The following MARCHF8 variants were observed in gnomAD, a reference collection of about 807,000 sequenced individuals.
The protein encoded by MARCHF8 is membrane associated ring-CH-type finger 8.
Under a neutral mutation model 51.6 loss-of-function variants are expected in MARCHF8, and 40 were observed. The observed-to-expected ratio is 0.77, with a 90% CI of 0.60 to 1.01. The LOEUF (loss-of-function observed/expected upper bound fraction) is 1.01, where lower values mean the gene tolerates loss of function less well. Among genes scored for constraint, MARCHF8 ranks in the 50% least tolerant of loss-of-function variants. The pLI, the probability that MARCHF8 is intolerant of heterozygous loss-of-function variation, is 0.00. For synonymous variants in MARCHF8, 263 were observed against 280.3 expected (o/e 0.94, Z 0.62); for missense variants, 685 against 708.6 (o/e 0.97, Z 0.38).
intron 3 of MARCHF8, among the ~76,000 whole-genome samples, chr10:45,486,686 C>T (rs76727529): frequency 0.041 from 6,228 of 152,148 alleles, 156 homozygotes; most frequent in Middle Eastern, 0.058. Context: ...CAGGATTCAA[C>T]GAACTTTGAC....
intron 3 of MARCHF8, among the ~76,000 whole-genome samples, chr10:45,477,742 A>G (rs2042812807): frequency 6.6e-6 from 1 of 152,236 alleles, no homozygotes. Context: ...CCATGCAAAT[A>G]AAAACCAAAA....
chr10:45,592,374 A>G (rs573579382), intron 1 of MARCHF8, among the ~76,000 whole-genome samples: 1 of 152,348 alleles, frequency 6.6e-6, no homozygotes, highest in African/African-American at 2.4e-5. Flanking sequence ...CTTCCTGATT[A>G]CTTGGCATCA....
At position 45,535,193 on chromosome 10, in the gene MARCHF8, A is replaced by C. The variant is rs2043954186; in HGVS notation, c.-79+18T>G. On this transcript the variant is annotated intron_variant, in intron 1 of 7. Transcript: ENST00000453424. ...ATGTTTGTATTCAAGCACGTCACAC[A>C]AAACAAGAGGCACTTACTGCGGAGC... 2 of 152,228 alleles carry C rather than the reference A, an allele frequency of 1.3e-5. No individual in the cohort carries two copies. The highest frequency in any genetic ancestry group is 2.4e-5 in the African/African-American group (1 of 41,452). 9.4% of individuals were successfully genotyped at this position (152,228 alleles called of 1,614,324 possible).
chr10:45,565,391 T>G (rs2044353673), intron 1 of MARCHF8, among the ~76,000 whole-genome samples: 1 of 152,072 alleles, frequency 6.6e-6, no homozygotes, highest in African/African-American at 2.4e-5. Context: ...AGATTGTGAC[T>G]GCACTCCAGC....
At chr10:45,505,894 T>C (rs2043372012) in intron 2 of MARCHF8, among the ~76,000 whole-genome samples, 3 of 152,244 alleles carry the variant, frequency 2.0e-5, no homozygotes, top group Admixed American at 2.0e-4. Context: ...TGATGAGTTT[T>C]ATAATTCTGT....
chr10:45,530,222 G>A (rs1201799059), intron 2 of MARCHF8, among the ~76,000 whole-genome samples: 1 of 152,178 alleles, frequency 6.6e-6, no homozygotes, highest in African/African-American at 2.4e-5. Context: ...GGTGGGAGCT[G>A]AAAAATATGT....
At chr10:45,569,880 T>G (rs1334355105) in intron 1 of MARCHF8, among the ~76,000 whole-genome samples, 2 of 152,092 alleles carry the variant, frequency 1.3e-5, no homozygotes, top group Admixed American at 6.5e-5. Flanking sequence ...CAAGACCCAA[T>G]TATGTCTACA....
upstream of MARCHF8, among the ~76,000 whole-genome samples, chr10:45,540,051 A>G (rs2044028602): frequency 6.6e-6 from 1 of 152,220 alleles, no homozygotes; most frequent in Non-Finnish European, 1.5e-5. Context: ...ATAAAAGAGG[A>G]TACAAACAAA....
chr10:45,559,746 A>G (rs547154991), intron 1 of MARCHF8, among the ~76,000 whole-genome samples: 1 of 152,324 alleles, frequency 6.6e-6, no homozygotes, highest in Non-Finnish European at 1.5e-5. Flanking sequence ...CCAAGTGTGC[A>G]TTAGACTCAC....
intron 3 of MARCHF8, among the ~76,000 whole-genome samples, chr10:45,481,726 C>G (rs1259693222): frequency 3.3e-5 from 5 of 152,150 alleles, no homozygotes; most frequent in Admixed American, 6.5e-5. Context: ...TTAAAAATTA[C>G]CCAGTCTCAG....
At chr10:45,481,378 G>A (rs1277621137) in intron 3 of MARCHF8, among the ~76,000 whole-genome samples, 3 of 152,178 alleles carry the variant, frequency 2.0e-5, no homozygotes, top group African/African-American at 7.2e-5. Context: ...TTTGAAATGT[G>A]AGGACATGAG....
At chr10:45,518,165 T>C (rs948368042) in intron 2 of MARCHF8, among the ~76,000 whole-genome samples, 9 of 152,142 alleles carry the variant, frequency 5.9e-5, no homozygotes, top group African/African-American at 1.9e-4. Flanking sequence ...GCCTGATGAC[T>C]ATGGAGGGGC....
chr10:45,463,638 C>CT lies in MARCHF8; in HGVS notation c.600dup (p.Glu201ArgfsTer50). 1 of 1,550,640 alleles carries CT rather than the reference C, an allele frequency of 6.4e-7. No homozygotes were observed. The highest frequency in any genetic ancestry group is 8.7e-7 in the Non-Finnish European group (1 of 1,146,988). ...GGTTTGTGGTTCAGGGTTCTTTTTT[C>CT]TTTATGATGAAACCTGTTAGTTCTG... On this transcript the variant is annotated frameshift_variant, in exon 5 of 8. Coordinates refer to ENST00000453424, the MANE Select transcript of MARCHF8 (RefSeq NM_001282866.2). LOFTEE classifies it high-confidence loss of function.
rs754004805 is a variant in MARCHF8, at chr10:45,489,415, A to G, written c.105T>C (p.Asn35=). The part of the protein sequence containing the change: ...KTKEKEREEQ[N]EKTLGHFMSH... Reference sequence around the variant, plus strand: ...TCATGAAATGTCCCAAAGTCTTCTCATTCTGCAAGAAAATCAAACAGGTTT... The same window carrying G: ...TCATGAAATGTCCCAAAGTCTTCTCGTTCTGCAAGAAAATCAAACAGGTTT... Residue 35 remains asparagine, a splice_region_variant and synonymous_variant, in exon 3 of 8, where the codon AAT becomes AAC. Transcript: ENST00000453424. 1.1e-5 allele frequency: 18 copies of G among 1,611,382 alleles called. No homozygotes were observed. Among genetic ancestry groups the G allele is most frequent in the Non-Finnish European group, 1.4e-5 (17 of 1,178,832 alleles).
chr10:45,510,791 A>G (rs2133192223), intron 2 of MARCHF8, among the ~76,000 whole-genome samples: 1 of 152,294 alleles, frequency 6.6e-6, no homozygotes, highest in East Asian at 1.9e-4. Context: ...GTTCTAAGCC[A>G]TTCATCTAGG....
chr10:45,481,488 G>A (rs988600651), intron 3 of MARCHF8, among the ~76,000 whole-genome samples: 1 of 152,142 alleles, frequency 6.6e-6, no homozygotes, highest in Non-Finnish European at 1.5e-5. Flanking sequence ...GTCGTGGGAG[G>A]GACCCAGTGG....
At chr10:45,483,443 G>A (rs1331900798) in intron 3 of MARCHF8, among the ~76,000 whole-genome samples, 4 of 152,122 alleles carry the variant, frequency 2.6e-5, no homozygotes, top group African/African-American at 4.8e-5. Flanking sequence ...GCAGAGAAAA[G>A]GGAACTCTTA....
chr10:45,483,521 A>G (rs1423801070), intron 3 of MARCHF8, among the ~76,000 whole-genome samples: 2 of 152,222 alleles, frequency 1.3e-5, no homozygotes, highest in Non-Finnish European at 2.9e-5. Flanking sequence ...TCCTCAAAAA[A>G]CTAAAAATAG....
At chr10:45,495,219 T>C (rs2043151480) in intron 2 of MARCHF8, among the ~76,000 whole-genome samples, 1 of 152,106 alleles carries the variant, frequency 6.6e-6, no homozygotes. Flanking sequence ...ACATTAAAAC[T>C]GACAGCGTAA....
Sources: gnomAD v4.1 joint callset for allele counts (sites outside exome capture counted in the v4.1 genomes callset) on GRCh38, gnomAD v4.1.1 for gene constraint, MANE v1.5 for transcripts, NCBI Gene and HGNC (gene_info 2026-07-23, HGNC 2026-07-21) for gene names.